WWOX: variants seen among roughly 807,000 people sequenced by gnomAD.
The protein encoded by WWOX is WW domain-containing oxidoreductase.
In WWOX, 69 loss-of-function variants were observed where a neutral mutation model predicts 46.2. The ratio of observed to expected loss-of-function variants is 1.49; its 90% CI spans 1.23 to 1.82. The LOEUF (loss-of-function observed/expected upper bound fraction) is 1.82. WWOX is among the 40% of genes most tolerant of loss of function. The probability of loss-of-function intolerance (pLI) is 0.00; values close to 1 mark genes in which losing one functional copy is unlikely to be tolerated. For missense variants in WWOX, 919 were observed against 542.6 expected, an observed-to-expected ratio of 1.69 and a Z score of -6.89; for synonymous variants, 359 against 202.6, an observed-to-expected ratio of 1.77 and a Z score of -6.56.
intron 8 of WWOX, chr16:78,506,450 A>G (rs1231434473): frequency 6.6e-6 from 1 of 152,254 alleles, no homozygotes; most frequent in Non-Finnish European, 1.5e-5. Context: ...CCACCCCCGG[A>G]AGGTATATTC....
Position 78,333,043 on chromosome 16 carries a change from CTTTTTT to C in WWOX, c.517-53798_517-53793del, listed in dbSNP as rs11289222. Among the ~76,000 whole-genome samples, 57 of 57,118 alleles carry C rather than the reference CTTTTTT, an allele frequency of 1.0e-3. 2 individuals are homozygous for C. The highest frequency in any genetic ancestry group is 6.0e-3 in the East Asian group (18 of 3,020). The allele number at this position is 57,118 out of a possible 152,430, so 37.5% of individuals were successfully genotyped here. On this transcript the variant is annotated intron_variant, in intron 5 of 8. Coordinates refer to ENST00000566780, the MANE Select transcript of WWOX (RefSeq NM_016373.4). The stretch of plus-strand genomic sequence containing the variant: ...CTGAGTAGCATGGAAGAGCATTATA[CTTTTTT>C]TTTTTTTTTTTTTTTTTTGAGACAG...
intron 8 of WWOX, among the ~76,000 whole-genome samples, chr16:78,578,797 G>T (rs1380358453): frequency 6.6e-6 from 1 of 152,162 alleles, no homozygotes; most frequent in African/African-American, 2.4e-5. Flanking sequence ...TTCCTGCGCG[G>T]CTTCCAGAAT....
At chr16:78,927,356 G>A (rs141547047) in intron 8 of WWOX, among the ~76,000 whole-genome samples, 73 of 152,272 alleles carry the variant, frequency 4.8e-4, no homozygotes, top group Middle Eastern at 3.4e-3. Flanking sequence ...ATTTCCTTGA[G>A]TTTTGGTGTA....
intron 8 of WWOX, among the ~76,000 whole-genome samples, chr16:78,914,811 G>A (rs892054665): frequency 7.9e-5 from 12 of 151,232 alleles, no homozygotes; most frequent in South Asian, 6.3e-4. Flanking sequence ...CCCAGGAGGC[G>A]GAGCTTGCAG....
At chr16:78,793,862 G>C (rs746430380) in intron 8 of WWOX, among the ~76,000 whole-genome samples, 4 of 151,872 alleles carry the variant, frequency 2.6e-5, no homozygotes, top group East Asian at 1.9e-4. Context: ...AATCATTTGA[G>C]GGCAGGAGTT....
intron 7 of WWOX, among the ~76,000 whole-genome samples, chr16:78,427,966 G>A (rs527974754): frequency 6.6e-6 from 1 of 152,140 alleles, no homozygotes; most frequent in South Asian, 2.1e-4. Context: ...TATTTGGGAG[G>A]CTGAGGCAGG....
intron 8 of WWOX, among the ~76,000 whole-genome samples, chr16:79,030,296 G>A (rs1217802495): frequency 6.6e-6 from 1 of 152,062 alleles, no homozygotes; most frequent in Non-Finnish European, 1.5e-5. Context: ...CTTCATTAGG[G>A]TTTCTCTCCT....
At chr16:78,775,068 G>C (rs73573788) in intron 8 of WWOX, among the ~76,000 whole-genome samples, 1,582 of 152,248 alleles carry the variant, frequency 0.01, 36 homozygotes, top group African/African-American at 0.035. Context: ...AGCCATCTCA[G>C]GCTCAGGAGA....
At chr16:79,032,853 G>A (rs1830097682) in intron 8 of WWOX, among the ~76,000 whole-genome samples, 1 of 151,290 alleles carries the variant, frequency 6.6e-6, no homozygotes, top group African/African-American at 2.4e-5. Flanking sequence ...TTGTACAGAT[G>A]ATTTCATCAC....
intron 8 of WWOX, among the ~76,000 whole-genome samples, chr16:78,969,771 C>T (rs1001035213): frequency 6.6e-6 from 1 of 152,126 alleles, no homozygotes; most frequent in African/African-American, 2.4e-5. Flanking sequence ...TATATGATTT[C>T]ATTTACATGA....
At chr16:78,129,444 A>G (rs748618630) in intron 4 of WWOX, among the ~76,000 whole-genome samples, 1 of 152,224 alleles carries the variant, frequency 6.6e-6, no homozygotes, top group Non-Finnish European at 1.5e-5. Context: ...GTATTTGTGT[A>G]TCTAAACATA....
At chr16:78,696,850 G>A (rs2048110748) in intron 8 of WWOX, among the ~76,000 whole-genome samples, 1 of 152,048 alleles carries the variant, frequency 6.6e-6, no homozygotes, top group African/African-American at 2.4e-5. Context: ...AAAGTCCATT[G>A]TATCATTCTT....
chr16:78,998,984 G>A (rs2047042656), intron 8 of WWOX, among the ~76,000 whole-genome samples: 1 of 152,202 alleles, frequency 6.6e-6, no homozygotes, highest in South Asian at 2.1e-4. Flanking sequence ...GAAAGTCCCA[G>A]ATGTAACAGC....
At chr16:78,913,350 A>G (rs72806738) in intron 8 of WWOX, among the ~76,000 whole-genome samples, 1 of 152,080 alleles carries the variant, frequency 6.6e-6, no homozygotes, top group East Asian at 1.9e-4. Context: ...AGGTGCAGCC[A>G]TGTGCCTGAG....
chr16:78,871,591 G>A (rs2044129873), intron 8 of WWOX, among the ~76,000 whole-genome samples: 1 of 152,140 alleles, frequency 6.6e-6, no homozygotes, highest in South Asian at 2.1e-4. Context: ...AGGCTTACTA[G>A]GAAATGCACT....
At chr16:79,203,254 C>T (rs965653318) in intron 8 of WWOX, 25 of 152,298 alleles carry the variant, frequency 1.6e-4, no homozygotes, top group African/African-American at 3.4e-4. Context: ...ACAGTATGTT[C>T]TAAATGAAAT....
intron 5 of WWOX, among the ~76,000 whole-genome samples, chr16:78,328,971 C>G (rs544018345): frequency 2.0e-5 from 3 of 152,082 alleles, no homozygotes; most frequent in South Asian, 4.1e-4. Flanking sequence ...AAGCGATTCT[C>G]CTGCCTCAGC....
At chr16:78,975,311 G>C (rs1267343758) in intron 8 of WWOX, among the ~76,000 whole-genome samples, 1 of 152,120 alleles carries the variant, frequency 6.6e-6, no homozygotes, top group Admixed American at 6.5e-5. Flanking sequence ...TGAGGTAATA[G>C]TGTGCTCCTG....
intron 8 of WWOX, among the ~76,000 whole-genome samples, chr16:78,680,938 C>G (rs144482922): frequency 1.3e-5 from 2 of 152,116 alleles, no homozygotes; most frequent in African/African-American, 4.8e-5. Flanking sequence ...TAGTGAGACC[C>G]TCTGTCTACA....
Sources: gnomAD v4.1 joint callset for allele counts (sites outside exome capture counted in the v4.1 genomes callset) on GRCh38, gnomAD v4.1.1 for gene constraint, MANE v1.5 for transcripts, NCBI Gene and HGNC (gene_info 2026-07-23, HGNC 2026-07-21) for gene names.